ADAMTS10: variants seen among roughly 807,000 people sequenced by gnomAD.
ADAMTS10 encodes the protein ADAM metallopeptidase with thrombospondin type 1 motif 10, also known as A disintegrin and metalloproteinase with thrombospondin motifs 10.
Under a neutral mutation model 135.9 loss-of-function variants are expected in ADAMTS10, and 48 were observed. The observed-to-expected ratio is 0.35, with a 90% CI of 0.28 to 0.45. The LOEUF is 0.45. Ranked by LOEUF, ADAMTS10 falls within the 20% of genes least tolerant of loss-of-function variation. ADAMTS10 has a pLI of 1.00. For synonymous variants in ADAMTS10, 621 were observed against 647.5 expected (o/e 0.96, Z 0.62); for missense variants, 1,131 against 1,565.2 (o/e 0.72, Z 4.68).
Position 8,596,219 on chromosome 19 carries a change from T to C in ADAMTS10, c.1191A>G (p.Thr397=), listed in dbSNP as rs2042602373. 1.2e-6 allele frequency: 2 copies of C among 1,613,780 alleles called. No individual in the cohort carries two copies. Among genetic ancestry groups the C allele is most frequent in the Admixed American group, 3.3e-5 (2 of 60,004 alleles). The change falls in exon 11 of 26, where the codon ACA becomes ACG. Residue 397 remains threonine (T), a splice_region_variant and synonymous_variant. Transcript: ENST00000597188. This position sits in a 1 kb window ranked among gnomAD's most constrained non-coding sequence, Gnocchi z 7.2. ...AFTIAHEIGH[T]FGMNHDGVGN... ...CCACGCCGTCATGGTTCATGCCGAA[T>C]CTGGGGAAAGGGGTGTCGGCTCTGC...
chr19:8,606,058 G>A (rs1218161283), intron 2 of ADAMTS10, among the ~76,000 whole-genome samples: 1 of 152,156 alleles, frequency 6.6e-6, no homozygotes, highest in Non-Finnish European at 1.5e-5. Context: ...TCACACCACT[G>A]CATTTCTGTT....
intron 2 of ADAMTS10, among the ~76,000 whole-genome samples, chr19:8,607,106 G>A (rs1431052540): frequency 6.6e-6 from 1 of 152,066 alleles, no homozygotes; most frequent in Non-Finnish European, 1.5e-5. Flanking sequence ...CTTGAAGGGG[G>A]GGCTGGTCGG....
At chr19:8,602,977 T>G (rs1177518391) in intron 5 of ADAMTS10, among the ~76,000 whole-genome samples, 1 of 152,188 alleles carries the variant, frequency 6.6e-6, no homozygotes, top group Non-Finnish European at 1.5e-5. Flanking sequence ...TTTGTTGGTG[T>G]ATAGCTTTCC....
chr19:8,584,981 T>G lies in ADAMTS10; in HGVS notation c.3116A>C (p.His1039Pro), dbSNP rs566999321. The G allele has an allele frequency of 2.1e-5, 32 of 1,545,212 alleles. No homozygotes were observed. In the East Asian group the frequency reaches 7.6e-4, roughly 37 times the overall value. ...CGGCCGCAGGGCCTCCGTGCACTCG[T>G]GCGACGCCTGGCCCGTGTGGCTGGT... ...RCTSHTGQAS[H>P]ECTEALRPPT... Residue 1039 changes from histidine (H) to proline (P), a missense_variant, in exon 25 of 26, where the codon CAC becomes CCC. Transcript: ENST00000597188.
At chr19:8,592,723 A>AGGGGGCGTGGCCCAGTTG in intron 13 of ADAMTS10, 40 bp downstream of exon 13, 1 of 1,578,016 alleles carries the variant, frequency 6.3e-7, no homozygotes, top group African/African-American at 1.3e-5. Context: ...GAGGTGGCTC[A>AGGGGGCGTGGCCCAGTTG]GGGGGCGTGG....
intron 22 of ADAMTS10, 137 bp downstream of exon 22, chr19:8,585,985 C>G: frequency 7.0e-7 from 1 of 1,435,248 alleles, no homozygotes; most frequent in Non-Finnish European, 9.5e-7. Flanking sequence ...TCCTATAGAA[C>G]CATCACTGCA....
At chr19:8,589,785 C>G in intron 16 of ADAMTS10, 104 bp downstream of exon 16, 1 of 1,428,262 alleles carries the variant, frequency 7.0e-7, no homozygotes, top group Non-Finnish European at 9.7e-7. Flanking sequence ...CGGGTGGGGA[C>G]AGGGCTCAGG....
rs2042611482 is a variant in ADAMTS10 at position 8,596,868 on chromosome 19, C to G, written c.1040+119G>C. 1 of 1,507,088 alleles carries G rather than the reference C, an allele frequency of 6.6e-7. No individual in the cohort carries two copies. 93.4% of individuals were successfully genotyped at this position (1,507,088 alleles called of 1,614,324 possible). A position where few individuals can be genotyped will look rare whatever the true frequency, so the allele number is the denominator to read the frequency against. On this transcript the variant is annotated intron_variant, in intron 8 of 25. Transcript: ENST00000597188. The surrounding 1 kb of genome is among the most constrained non-coding windows in gnomAD (Gnocchi z 7.2). ...TCCCCATCCCTGGCTCCCTCATGGG[C>G]AGCCCAAACTTCTCTGCTCCTCCTG...
chr19:8,605,520 A>G lies in ADAMTS10; in HGVS notation c.88+103T>C. On this transcript the variant is annotated intron_variant, in intron 3 of 25. Transcript: ENST00000597188. The surrounding 1 kb of genome is among the most constrained non-coding windows in gnomAD (Gnocchi z 7.7). ...CCTATTGACCCCAGGGCCTTCCCCCATTGACCCCCATCCCAGCCCCCTGAT... is the reference window on the plus strand; with the variant it reads ...CCTATTGACCCCAGGGCCTTCCCCCGTTGACCCCCATCCCAGCCCCCTGAT... The G allele has an allele frequency of 6.6e-6, 5 of 752,120 alleles. No individual in the cohort carries two copies. The highest frequency in any genetic ancestry group is 1.5e-5 in the South Asian group (1 of 66,330). The allele number at this position is 752,120 out of a possible 1,614,324, so 46.6% of individuals were successfully genotyped here. A position where few individuals can be genotyped will look rare whatever the true frequency, so the allele number is the denominator to read the frequency against.
intron 1 of ADAMTS10, among the ~76,000 whole-genome samples, chr19:8,609,187 T>C (rs574788100): frequency 6.7e-6 from 1 of 148,354 alleles, no homozygotes; most frequent in South Asian, 2.4e-4. Context: ...TGTGTGATTG[T>C]GAGCGTGTGA....
intron 4 of ADAMTS10, 137 bp downstream of exon 4, chr19:8,604,875 C>T: frequency 1.0e-6 from 1 of 964,104 alleles, no homozygotes; most frequent in Non-Finnish European, 1.6e-6. Context: ...TTAGCTGCAT[C>T]CCCAAAGCAC....
intron 18 of ADAMTS10, among the ~76,000 whole-genome samples, chr19:8,587,404 T>C (rs535156037): frequency 2.5e-4 from 32 of 128,362 alleles, no homozygotes; most frequent in South Asian, 1.6e-3. Context: ...CTCAAACTCC[T>C]GGGCTCAAGT....
chr19:8,589,491 A>G lies in ADAMTS10; in HGVS notation c.1995T>C (p.Arg665=). The change falls in exon 17 of 26, where the codon CGT becomes CGC. Residue 665 remains arginine (R), a synonymous_variant. Coordinates refer to ENST00000597188, the MANE Select transcript of ADAMTS10 (RefSeq NM_030957.4). ...AAAVVDGTPC[R]PDTVDICVSG... is the part of the protein sequence containing the mutation. ...TGACGCAAATGTCCACCGTGTCTGG[A>G]CGGCAGGGTGTCCCGTCCACCACGG... 6.2e-7 allele frequency: 1 copy of G among 1,604,250 alleles called. No homozygotes were observed. The highest frequency in any genetic ancestry group is 1.7e-4 in the Middle Eastern group (1 of 6,042).
intron 5 of ADAMTS10, among the ~76,000 whole-genome samples, chr19:8,602,273 T>C (rs531071231): frequency 6.6e-6 from 1 of 152,302 alleles, no homozygotes; most frequent in African/African-American, 2.4e-5. Context: ...TATCTGATTA[T>C]ATACTTAATT....
chr19:8,595,484 T>C, intron 12 of ADAMTS10: 1 of 479,422 alleles, frequency 2.1e-6, no homozygotes, highest in Non-Finnish European at 3.8e-6. Flanking sequence ...GGGTGTGATG[T>C]GCCAGACAGA....
chr19:8,585,985 C>T, intron 22 of ADAMTS10, 137 bp downstream of exon 22: 1 of 1,435,248 alleles, frequency 7.0e-7, no homozygotes, highest in East Asian at 2.4e-5. Flanking sequence ...TCCTATAGAA[C>T]CATCACTGCA....
chr19:8,606,727 G>C (rs1208110325), intron 2 of ADAMTS10, among the ~76,000 whole-genome samples: 1 of 152,166 alleles, frequency 6.6e-6, no homozygotes, highest in South Asian at 2.1e-4. Flanking sequence ...CTAGAAAGTG[G>C]TAGAACCTGG....
Position 8,589,499 on chromosome 19 carries a change from G to T in ADAMTS10, c.1987C>A (p.Pro663Thr), listed in dbSNP as rs886054714. 6 of 1,613,776 alleles carry T rather than the reference G, an allele frequency of 3.7e-6. No homozygotes were observed. Among genetic ancestry groups the T allele is most frequent in the Non-Finnish European group, 4.2e-6 (5 of 1,179,970 alleles). ...ATGTCCACCGTGTCTGGACGGCAGG[G>T]TGTCCCGTCCACCACGGCTGCCGCC... The part of the protein sequence containing the change: ...ERAAAVVDGT[P>T]CRPDTVDICV... The change falls in exon 17 of 26, where the codon CCC (proline) becomes ACC (threonine). Residue 663 changes from proline (P) to threonine (T), a missense_variant. Physicochemically the swap from Pro to Thr is conservative, Grantham distance 38 (BLOSUM62 -1). This residue lies in a region of ADAMTS10 where 745 missense variants were observed against 1,056.3 expected (regional missense o/e 0.71). Coordinates refer to ENST00000597188, the MANE Select transcript of ADAMTS10 (RefSeq NM_030957.4).
At chr19:8,595,691 G>A in intron 12 of ADAMTS10, 71 bp downstream of exon 12, 1 of 1,356,366 alleles carries the variant, frequency 7.4e-7, no homozygotes, top group Non-Finnish European at 1.0e-6. Context: ...GGGTGCCCTG[G>A]TGGAGTTCCC....
Sources: allele counts gnomAD v4.1 joint callset (sites outside exome capture counted in the v4.1 genomes callset), GRCh38; gene constraint gnomAD v4.1.1; regional missense constraint gnomAD v4.1.1; non-coding constraint Gnocchi (gnomAD v3.1); transcripts MANE v1.5; gene names NCBI Gene and HGNC (gene_info 2026-07-23, HGNC 2026-07-21).